Variants in MAP2K5 observed in about 807,000 individuals in gnomAD.
MAP2K5 encodes mitogen-activated protein kinase kinase 5.
A neutral mutation model predicts 83.1 loss-of-function variants in MAP2K5; 49 were observed. The ratio of observed to expected loss-of-function variants is 0.59; its 90% confidence interval spans 0.47 to 0.75. MAP2K5 has a LOEUF of 0.75. Ranked by LOEUF, MAP2K5 falls within the 30% of genes least tolerant of loss-of-function variation. MAP2K5 has a pLI of 0.00. For missense variants in MAP2K5, 457 were observed against 557.5 expected (o/e 0.82, Z 1.82); for synonymous variants, 202 against 191.8 (o/e 1.05, Z -0.44).
chr15:67,681,936 C>G (rs2087827756), intron 13 of MAP2K5, among the ~76,000 whole-genome samples: 1 of 152,146 alleles, frequency 6.6e-6, no homozygotes, highest in African/African-American at 2.4e-5. Flanking sequence ...TACATCTGCC[C>G]TGATGATTGC....
chr15:67,574,391 G>T (rs1178554566), intron 3 of MAP2K5, among the ~76,000 whole-genome samples: 2 of 152,070 alleles, frequency 1.3e-5, no homozygotes, highest in African/African-American at 4.8e-5. Context: ...GGCCAACATG[G>T]TGAAACCCCA....
rs576512210 is a variant in MAP2K5 at position 67,637,194 on chromosome 15, A to G, written c.585+6267A>G. The stretch of plus-strand genomic sequence containing the variant: ...GGCTTCCTTGCTCCTCAGCTTGCAG[A>G]TGGCCTATTGTGGGACTTCACCTTG... On this transcript the variant is annotated intron_variant, in intron 9 of 21. Coordinates refer to ENST00000178640, the MANE Select transcript of MAP2K5 (RefSeq NM_145160.3). This position sits in a 1 kb window ranked among gnomAD's most constrained non-coding sequence, Gnocchi z 4.5. Among the ~76,000 whole-genome samples the G allele has an allele frequency of 2.0e-5, 3 of 152,216 alleles. No individual in the cohort carries two copies. Among genetic ancestry groups the G allele is most frequent in the Non-Finnish European group, 2.9e-5 (2 of 68,006 alleles).
chr15:67,581,832 C>T (rs1233244370), intron 4 of MAP2K5, among the ~76,000 whole-genome samples: 1 of 152,126 alleles, frequency 6.6e-6, no homozygotes, highest in Non-Finnish European at 1.5e-5. Context: ...TAATACTGCT[C>T]TTCCAGCATA....
intron 16 of MAP2K5, among the ~76,000 whole-genome samples, chr15:67,713,500 C>G (rs2088748161): frequency 6.6e-6 from 1 of 152,230 alleles, no homozygotes; most frequent in Admixed American, 6.5e-5. Flanking sequence ...CTTTGGAAGG[C>G]CGAGGCGGGT....
Position 67,755,960 on chromosome 15 carries a change from T to C in MAP2K5, c.1134+7359T>C, listed in dbSNP as rs1280662092. ...CTCATGACTCAATTGTCCACCCTCT[T>C]TCCATTGTCCTCCCCACATCCTCAC... On this transcript the variant is annotated intron_variant, in intron 19 of 21. Coordinates refer to ENST00000178640, the MANE Select transcript of MAP2K5 (RefSeq NM_145160.3). This position sits in a 1 kb window ranked among gnomAD's most constrained non-coding sequence, Gnocchi z 4.7. Among the ~76,000 whole-genome samples, 2 of 152,160 alleles carry C rather than the reference T, an allele frequency of 1.3e-5. No homozygotes were observed. Among genetic ancestry groups the C allele is most frequent in the African/African-American group, 4.8e-5 (2 of 41,422 alleles).
At chr15:67,797,053 A>G (rs770196667) in intron 21 of MAP2K5, among the ~76,000 whole-genome samples, 1 of 152,168 alleles carries the variant, frequency 6.6e-6, no homozygotes, top group Non-Finnish European at 1.5e-5. Context: ...CTAAAATCAG[A>G]ACTCTTACCA....
At chr15:67,707,702 C>G (rs1374492732) in intron 16 of MAP2K5, among the ~76,000 whole-genome samples, 1 of 152,112 alleles carries the variant, frequency 6.6e-6, no homozygotes, top group Non-Finnish European at 1.5e-5. Context: ...GGTGGGGTTT[C>G]ACACAAAGGA....
At chr15:67,784,880 C>G (rs2090390297) in intron 21 of MAP2K5, among the ~76,000 whole-genome samples, 1 of 152,154 alleles carries the variant, frequency 6.6e-6, no homozygotes, top group Non-Finnish European at 1.5e-5. Flanking sequence ...TTTTACTGAG[C>G]ACATTCGTGT....
In MAP2K5 at chr15:67,750,591, A is replaced by G. The variant is rs2089696026; in HGVS notation, c.1134+1990A>G. ...TTGTAATGCAAATTCCTGAGCCCAG[A>G]TCGCTGAATTAGACTTTCTAGGGAT... On this transcript the variant is annotated intron_variant, in intron 19 of 21. Coordinates refer to ENST00000178640, the MANE Select transcript of MAP2K5 (RefSeq NM_145160.3). This position sits in a 1 kb window ranked among gnomAD's most constrained non-coding sequence, Gnocchi z 4.2. Among the ~76,000 whole-genome samples the G allele has an allele frequency of 6.6e-6, 1 of 152,224 alleles. No homozygotes were observed. Among genetic ancestry groups the G allele is most frequent in the African/African-American group, 2.4e-5 (1 of 41,454 alleles).
chr15:67,665,663 A>G lies in MAP2K5; in HGVS notation c.847+1018A>G, dbSNP rs951575608. Among the ~76,000 whole-genome samples the G allele has an allele frequency of 6.6e-6, 1 of 152,186 alleles. No individual in the cohort carries two copies. The highest frequency in any genetic ancestry group is 6.5e-5 in the Admixed American group (1 of 15,276). On this transcript the variant is annotated intron_variant, in intron 13 of 21. Coordinates refer to ENST00000178640, the MANE Select transcript of MAP2K5 (RefSeq NM_145160.3). This position sits in a 1 kb window ranked among gnomAD's most constrained non-coding sequence, Gnocchi z 4.2. The stretch of plus-strand genomic sequence containing the variant: ...TTTTAATGAGGGTATCTAGATTTTG[A>G]CAAATCAAATAGTCAGGTTTTTGAA...
rs1035394268 is a variant in MAP2K5 at position 67,548,285 on chromosome 15, G to T, written c.136-1749G>T. On this transcript the variant is annotated intron_variant, in intron 1 of 21. Transcript: ENST00000178640. The stretch of plus-strand genomic sequence containing the variant: ...TTAGAGAGTTGGGGATGAAGCAGTT[G>T]TTTTCCCCTCGTTTTTTTAAACCTA... Among the ~76,000 whole-genome samples the T allele has an allele frequency of 1.3e-5, 2 of 152,158 alleles. 1 individual carries two copies. The highest frequency in any genetic ancestry group is 4.8e-5 in the African/African-American group (2 of 41,442).
At chr15:67,548,043 C>T (rs1364538455) in intron 1 of MAP2K5, among the ~76,000 whole-genome samples, 1 of 152,170 alleles carries the variant, frequency 6.6e-6, no homozygotes, top group East Asian at 1.9e-4. Context: ...TTCCTCGTAT[C>T]AGGTGAGGAG....
Position 67,769,558 on chromosome 15 carries a change from G to A in MAP2K5, c.1135-44G>A. On this transcript the variant is annotated intron_variant, in intron 19 of 21. Transcript: ENST00000178640. This position sits in a 1 kb window ranked among gnomAD's most constrained non-coding sequence, Gnocchi z 5.2. ...GGGTGGGGAATATAAAGAAAGAGAA[G>A]GAACTGTTGTGACTTTTGGTGACAT... The A allele has an allele frequency of 6.3e-7, 1 of 1,575,242 alleles. No homozygotes were observed. Among genetic ancestry groups the A allele is most frequent in the Non-Finnish European group, 8.7e-7 (1 of 1,145,148 alleles).
intron 11 of MAP2K5, among the ~76,000 whole-genome samples, chr15:67,654,829 G>A (rs140692589): frequency 0.016 from 2,488 of 152,166 alleles, 58 homozygotes; most frequent in African/African-American, 0.057. Context: ...GGGAGGCCGA[G>A]GTGCGCGGAT....
In MAP2K5 at chr15:67,543,249, A is replaced by C; in HGVS notation, c.-87A>C. 1.5e-6 allele frequency: 2 copies of C among 1,375,574 alleles called. No individual in the cohort carries two copies. The allele number at this position is 1,375,574 out of a possible 1,614,324, so 85.2% of individuals were successfully genotyped here. Reference sequence around the variant, plus strand: ...TTTCACCCTCTGTCCTCTGCCCGTCACTCCCCTTGTCACCTCTTGGAGCCC... The same window carrying C: ...TTTCACCCTCTGTCCTCTGCCCGTCCCTCCCCTTGTCACCTCTTGGAGCCC... On this transcript the variant is annotated 5_prime_UTR_variant, in exon 1 of 22. Coordinates refer to ENST00000178640, the MANE Select transcript of MAP2K5 (RefSeq NM_145160.3). This position sits in a 1 kb window ranked among gnomAD's most constrained non-coding sequence, Gnocchi z 4.3.
chr15:67,735,545 T>G (rs1434915946), intron 17 of MAP2K5, among the ~76,000 whole-genome samples: 1 of 151,928 alleles, frequency 6.6e-6, no homozygotes, highest in African/African-American at 2.4e-5. Context: ...CTCAAAAGAG[T>G]GCAGTCCAGT....
chr15:67,767,812 T>G (rs59156911), intron 19 of MAP2K5, among the ~76,000 whole-genome samples: 6,970 of 152,220 alleles, frequency 0.046, 376 homozygotes, highest in African/African-American at 0.12. Flanking sequence ...CCACCTCCGT[T>G]TTTCATGTCG....
intron 8 of MAP2K5, among the ~76,000 whole-genome samples, chr15:67,626,342 G>A (rs1386715587): frequency 6.6e-6 from 1 of 152,090 alleles, no homozygotes; most frequent in Non-Finnish European, 1.5e-5. Flanking sequence ...GGCCAACATG[G>A]TGAAACCTTG....
intron 21 of MAP2K5, among the ~76,000 whole-genome samples, chr15:67,805,427 C>T (rs977723335): frequency 1.3e-5 from 2 of 152,242 alleles, no homozygotes; most frequent in African/African-American, 4.8e-5. Flanking sequence ...CAGCCAGGGT[C>T]CACATCCCTC....
Sources: gnomAD v4.1 joint callset for allele counts (sites outside exome capture counted in the v4.1 genomes callset) on GRCh38, gnomAD v4.1.1 for gene constraint, Gnocchi (gnomAD v3.1) non-coding constraint, MANE v1.5 for transcripts, NCBI Gene and HGNC (gene_info 2026-07-23, HGNC 2026-07-21) for gene names.